EIF4H: variants seen among roughly 807,000 people sequenced by gnomAD.
The protein encoded by EIF4H is eukaryotic translation initiation factor 4H, also known as Williams-Beuren syndrome chromosome region 1.
A neutral mutation model predicts 30.6 loss-of-function variants in EIF4H; 8 were observed. The ratio of observed to expected loss-of-function variants is 0.26; its 90% CI spans 0.15 to 0.47. EIF4H has a LOEUF of 0.47. EIF4H is among the 20% of genes least tolerant of loss of function. The pLI, the probability that EIF4H is intolerant of heterozygous loss-of-function variation, is 0.99. For synonymous variants in EIF4H, 106 were observed against 122.7 expected (o/e 0.86, Z 0.90); for missense variants, 188 against 339.5 (o/e 0.55, Z 3.51).
At chr7:74,183,047 T>A (rs1554708689) in intron 1 of EIF4H, among the ~76,000 whole-genome samples, 1 of 152,098 alleles carries the variant, frequency 6.6e-6, no homozygotes, top group Non-Finnish European at 1.5e-5. Flanking sequence ...AGAAACCGAG[T>A]CTTAGGTTTG....
chr7:74,186,935 A>G (rs1327005012), intron 1 of EIF4H, among the ~76,000 whole-genome samples: 4 of 150,602 alleles, frequency 2.7e-5, no homozygotes, highest in African/African-American at 9.8e-5. Context: ...AGGAGAAATA[A>G]TTCTATTATG....
chr7:74,181,501 G>A (rs1554708394), intron 1 of EIF4H, among the ~76,000 whole-genome samples: 1 of 151,748 alleles, frequency 6.6e-6, no homozygotes. Flanking sequence ...GCACTATCTC[G>A]GCTCACCACA....
Position 74,195,053 on chromosome 7 carries a change from A to T in EIF4H, c.608-116A>T, listed in dbSNP as rs539649588. On this transcript the variant is annotated intron_variant, in intron 6 of 6. Coordinates refer to ENST00000265753, the MANE Select transcript of EIF4H (RefSeq NM_022170.2). ...TTAGAGCATCTGCTGTTGGGGTAGC[A>T]GGCCAGGTGAATTTTAGAAAGTGGG... The T allele has an allele frequency of 3.3e-6, 5 of 1,533,240 alleles. No individual in the cohort carries two copies. In the South Asian group the frequency reaches 6.3e-5, roughly 19 times the overall value. 95.0% of individuals were successfully genotyped at this position (1,533,240 alleles called of 1,614,324 possible).
intron 1 of EIF4H, among the ~76,000 whole-genome samples, chr7:74,177,230 T>C (rs1207222414): frequency 6.6e-6 from 1 of 152,234 alleles, no homozygotes; most frequent in Non-Finnish European, 1.5e-5. Context: ...ATTACAGGCA[T>C]GAGCTACCAC....
At chr7:74,177,599 A>AT (rs1554707853) in intron 1 of EIF4H, among the ~76,000 whole-genome samples, 1 of 152,218 alleles carries the variant, frequency 6.6e-6, no homozygotes, top group African/African-American at 2.4e-5. Context: ...AAAGCAGTGT[A>AT]TAAAAACTAC....
chr7:74,187,582 A>G (rs782148274), intron 1 of EIF4H, 29 bp from the exon 2 acceptor site: 1 of 1,526,600 alleles, frequency 6.6e-7, no homozygotes, highest in Non-Finnish European at 8.8e-7. Context: ...CTCTGGGCAC[A>G]CTTGAATCCT....
intron 1 of EIF4H, among the ~76,000 whole-genome samples, chr7:74,175,190 A>G (rs1449333540): frequency 6.6e-6 from 1 of 152,228 alleles, no homozygotes; most frequent in Non-Finnish European, 1.5e-5. Context: ...AATGCAGACA[A>G]CTATGTATAA....
At chr7:74,185,377 C>G (rs934342803) in intron 1 of EIF4H, among the ~76,000 whole-genome samples, 3 of 152,164 alleles carry the variant, frequency 2.0e-5, no homozygotes, top group Non-Finnish European at 2.9e-5. Flanking sequence ...TCGGAGATAT[C>G]AGCGATAGAG....
chr7:74,184,248 T>G (rs2115957782), intron 1 of EIF4H, among the ~76,000 whole-genome samples: 1 of 152,308 alleles, frequency 6.6e-6, no homozygotes, highest in East Asian at 1.9e-4. Context: ...CTTACTGGCA[T>G]TCACCTGGGC....
At position 74,189,771 on chromosome 7, in the gene EIF4H, T is replaced by A. The variant is rs1214059524; in HGVS notation, c.312+34T>A. On this transcript the variant is annotated intron_variant, in intron 3 of 6. Coordinates refer to ENST00000265753, the MANE Select transcript of EIF4H (RefSeq NM_022170.2). ...CCTCGGGTTTTCTCTGTCATAGCAG[T>A]TGAGATTGTTTTCTTTGCCAATACT... The A allele has an allele frequency of 6.2e-6, 10 of 1,613,982 alleles. No individual in the cohort carries two copies. In the African/African-American group the frequency reaches 1.3e-4, roughly 22 times the overall value.
chr7:74,174,469 C>G, intron 1 of EIF4H, 27 bp downstream of exon 1: 2 of 1,391,256 alleles, frequency 1.4e-6, no homozygotes, highest in Non-Finnish European at 1.9e-6. Flanking sequence ...CGGGCCCCGT[C>G]GGGGGCTGCG....
chr7:74,192,186 G>T (rs1331716116), intron 5 of EIF4H, among the ~76,000 whole-genome samples: 2 of 152,174 alleles, frequency 1.3e-5, no homozygotes, highest in African/African-American at 4.8e-5. Context: ...TAATCTCATA[G>T]TAAAGGGTGT....
At chr7:74,189,223 G>T (rs1801152211) in intron 2 of EIF4H, among the ~76,000 whole-genome samples, 1 of 152,172 alleles carries the variant, frequency 6.6e-6, no homozygotes, top group African/African-American at 2.4e-5. Context: ...TATATTTTCA[G>T]CTTTGTGAAG....
chr7:74,185,534 A>G (rs1801062333), intron 1 of EIF4H, among the ~76,000 whole-genome samples: 1 of 152,158 alleles, frequency 6.6e-6, no homozygotes, highest in Non-Finnish European at 1.5e-5. Context: ...CCTATTGGAA[A>G]GTACCGGAAT....
At position 74,195,161 on chromosome 7, in the gene EIF4H, T is replaced by A; in HGVS notation, c.608-8T>A. 6.2e-7 allele frequency: 1 copy of A among 1,613,234 alleles called. No homozygotes were observed. Among genetic ancestry groups the A allele is most frequent in the East Asian group, 2.2e-5 (1 of 44,866 alleles). Reference sequence around the variant, plus strand: ...ACACTCTGACAAACTCTGCTTTTTCTCCCCCAGAGGAAAGAGCACAGAGAC... The same window carrying A: ...ACACTCTGACAAACTCTGCTTTTTCACCCCCAGAGGAAAGAGCACAGAGAC... On this transcript the variant is annotated splice_region_variant and splice_polypyrimidine_tract_variant and intron_variant, in intron 6 of 6. Coordinates refer to ENST00000265753, the MANE Select transcript of EIF4H (RefSeq NM_022170.2).
chr7:74,182,458 C>T (rs1242245973), intron 1 of EIF4H, among the ~76,000 whole-genome samples: 9 of 152,118 alleles, frequency 5.9e-5, no homozygotes, highest in Admixed American at 1.3e-4. Context: ...CCCGAAGTGC[C>T]GGGATTGCAG....
rs1402877720 is a variant in EIF4H, at chr7:74,196,300, G to A, written c.*992G>A. On this transcript the variant is annotated 3_prime_UTR_variant, in exon 7 of 7. Coordinates refer to ENST00000265753, the MANE Select transcript of EIF4H (RefSeq NM_022170.2). ...CTGTTCCTAGTATAGGCAACATAAT[G>A]AGATACTGTGCTTCCCACCTCCCCT... is the stretch of plus-strand genomic sequence containing the variant. 2.6e-5 allele frequency: 4 copies of A among 152,608 alleles called. No individual in the cohort carries two copies. Among genetic ancestry groups the A allele is most frequent in the African/African-American group, 9.7e-5 (4 of 41,426 alleles). The allele number at this position is 152,608 out of a possible 1,614,324, so 9.5% of individuals were successfully genotyped here.
At chr7:74,191,527 C>G (rs782502691) in intron 5 of EIF4H, among the ~76,000 whole-genome samples, 2 of 151,954 alleles carry the variant, frequency 1.3e-5, no homozygotes, top group Non-Finnish European at 2.9e-5. Flanking sequence ...TGGGCTCACT[C>G]GATGGAGTAA....
At chr7:74,181,080 A>G (rs1357693589) in intron 1 of EIF4H, among the ~76,000 whole-genome samples, 6 of 152,160 alleles carry the variant, frequency 3.9e-5, no homozygotes, top group Non-Finnish European at 5.9e-5. Flanking sequence ...GAGTACCTTC[A>G]TAGTGTTGTG....
Sources: gnomAD v4.1 joint callset for allele counts (sites outside exome capture counted in the v4.1 genomes callset) on GRCh38, gnomAD v4.1.1 for gene constraint, MANE v1.5 for transcripts, NCBI Gene and HGNC (gene_info 2026-07-23, HGNC 2026-07-21) for gene names.